Variants in RFC1 observed in about 807,000 individuals in gnomAD.
RFC1 encodes the protein replication factor C subunit 1.
Under a neutral mutation model 137.4 loss-of-function variants are expected in RFC1, and 37 were observed. The observed-to-expected ratio is 0.27, with a 90% CI of 0.21 to 0.35. RFC1 has a LOEUF of 0.35. Among genes scored for constraint, RFC1 ranks in the 10% least tolerant of loss-of-function variants. The pLI is 1.00. For missense variants in RFC1, 1,205 were observed against 1,358.5 expected (o/e 0.89, Z 1.78); for synonymous variants, 429 against 455.7 (o/e 0.94, Z 0.75).
intron 10 of RFC1, among the ~76,000 whole-genome samples, chr4:39,314,483 G>A (rs1015744437): frequency 1.3e-5 from 2 of 151,998 alleles, no homozygotes; most frequent in Non-Finnish European, 2.9e-5. Flanking sequence ...TCTTACTCCA[G>A]GAGCAGCCAG....
intron 1 of RFC1, among the ~76,000 whole-genome samples, chr4:39,353,397 C>CAAA (rs11416030): frequency 0.25 from 15,756 of 63,362 alleles, 2,469 homozygotes; most frequent in South Asian, 0.31. Flanking sequence ...GAGACTGTCT[C>CAAA]AAAAAAAAAA....
chr4:39,301,847 T>C (rs7699084), intron 19 of RFC1, among the ~76,000 whole-genome samples: 10,587 of 152,246 alleles, frequency 0.07, 1,248 homozygotes, highest in African/African-American at 0.24. Context: ...TGCTTAATCA[T>C]TGCTCTAACT....
chr4:39,340,919 T>A (rs752108174), intron 4 of RFC1, among the ~76,000 whole-genome samples: 1 of 152,192 alleles, frequency 6.6e-6, no homozygotes, highest in African/African-American at 2.4e-5. Context: ...CTTTCACATG[T>A]ATATGCTACC....
chr4:39,365,062 G>T (rs193203565), intron 1 of RFC1, among the ~76,000 whole-genome samples: 3 of 139,776 alleles, frequency 2.1e-5, no homozygotes, highest in South Asian at 2.4e-4. Flanking sequence ...TCTAATTCTA[G>T]TTCAACCACC....
chr4:39,314,040 A>T (rs1215490123), intron 10 of RFC1, among the ~76,000 whole-genome samples: 1 of 152,260 alleles, frequency 6.6e-6, no homozygotes, highest in Admixed American at 6.5e-5. Flanking sequence ...TACTCTTTTA[A>T]TAGAGAATTG....
At chr4:39,351,276 A>ATTAT in intron 2 of RFC1, 72 bp downstream of exon 2, 1 of 545,520 alleles carries the variant, frequency 1.8e-6, no homozygotes, top group Non-Finnish European at 2.6e-6. Context: ...AAAAAAAAAA[A>ATTAT]AAAAAAAAAC....
At chr4:39,366,206 C>T (rs1434945609) in intron 1 of RFC1, 33 bp downstream of exon 1, 4 of 1,552,270 alleles carry the variant, frequency 2.6e-6, no homozygotes, top group Admixed American at 1.9e-5. Context: ...CCCCCCCAGA[C>T]CCCGAGCCGC....
Position 39,295,701 on chromosome 4 carries a change from G to A in RFC1, c.2867C>T (p.Pro956Leu), listed in dbSNP as rs915040518. ...ELMRGYMTQFPTFPSWLGKHS... is the reference protein window; with the variant it reads ...ELMRGYMTQFLTFPSWLGKHS... ...CTTCCCCAGCCAGCTTGGGAAGGTG[G>A]GAAACTGGGTCATGTACCCCCTCAT... Residue 956 changes from proline (P) to leucine (L), a missense_variant, in exon 22 of 25, where the codon CCC becomes CTC. By Grantham distance (98) the Pro-to-Leu change is moderately conservative (BLOSUM62 -3). Around this residue, in one of 3 missense-constraint regions of RFC1, gnomAD observed 237 missense variants for 304.2 expected, o/e 0.78. Transcript: ENST00000349703. 1 of 1,613,622 alleles carries A rather than the reference G, an allele frequency of 6.2e-7. No individual in the cohort carries two copies. The highest frequency in any genetic ancestry group is 8.5e-7 in the Non-Finnish European group (1 of 1,179,800).
At chr4:39,321,223 G>T in intron 8 of RFC1, 64 bp downstream of exon 8, 1 of 1,231,752 alleles carries the variant, frequency 8.1e-7, no homozygotes, top group Non-Finnish European at 1.2e-6. Flanking sequence ...ACTTAAACAA[G>T]ATTATCATGA....
In RFC1 at chr4:39,291,641, T is replaced by C. The variant is rs1306234277; in HGVS notation, c.3166A>G (p.Lys1056Glu). ...KPSPFSKLDP[K>E]VKAAFTRAYN... is the part of the protein sequence containing the mutation. Reference sequence around the variant, plus strand: ...AACCAGTGAGTGACATGATTTACCTTGGGATCCAGCTTTGAAAAGGGACTA... The same window carrying C: ...AACCAGTGAGTGACATGATTTACCTCGGGATCCAGCTTTGAAAAGGGACTA... The change falls in exon 23 of 25, where the codon AAG becomes GAG. Residue 1056 changes from lysine (K) to glutamate (E), a missense_variant and splice_region_variant. Physicochemically the swap from Lys to Glu is moderately conservative, Grantham distance 56. Around this residue, in one of 3 missense-constraint regions of RFC1, gnomAD observed 237 missense variants for 304.2 expected, o/e 0.78. Coordinates refer to ENST00000349703, the MANE Select transcript of RFC1 (RefSeq NM_002913.5). 3 of 1,608,704 alleles carry C rather than the reference T, an allele frequency of 1.9e-6. No individual in the cohort carries two copies. The African/African-American group carries it at 4.0e-5, about 21-fold the overall frequency.
At chr4:39,311,623 ATTCTAGGGCCTATTAGTAGGTG>A in intron 11 of RFC1, 74 bp from the exon 12 acceptor site, 2 of 1,111,750 alleles carry the variant, frequency 1.8e-6, no homozygotes, top group Non-Finnish European at 2.6e-6. Flanking sequence ...AAAAAAAAAA[ATTCTAGGGCCTATTAGTAGGTG>A]AAAAACCACA....
chr4:39,361,115 A>G (rs2109782052), intron 1 of RFC1, among the ~76,000 whole-genome samples: 2 of 152,326 alleles, frequency 1.3e-5, no homozygotes, highest in Non-Finnish European at 2.9e-5. Context: ...TAAGCCAGGC[A>G]CGATGGCTCA....
intron 7 of RFC1, 135 bp downstream of exon 7, chr4:39,323,205 A>C: frequency 1.8e-6 from 1 of 555,698 alleles, no homozygotes; most frequent in Non-Finnish European, 2.8e-6. Context: ...GAGCTTCCCC[A>C]AAAACATTTT....
At chr4:39,329,721 TAA>T (rs1467056198) in intron 4 of RFC1, among the ~76,000 whole-genome samples, 2 of 151,878 alleles carry the variant, frequency 1.3e-5, no homozygotes, top group South Asian at 2.1e-4. Context: ...AACCTGTCTC[TAA>T]AAAAAACTTT....
At chr4:39,350,890 A>C (rs1299112569) in intron 2 of RFC1, among the ~76,000 whole-genome samples, 1 of 152,238 alleles carries the variant, frequency 6.6e-6, no homozygotes, top group Non-Finnish European at 1.5e-5. Context: ...TATTTAAAGT[A>C]AAATTACATT....
At chr4:39,343,928 C>T (rs1326500421) in intron 3 of RFC1, among the ~76,000 whole-genome samples, 1 of 151,986 alleles carries the variant, frequency 6.6e-6, no homozygotes, top group Non-Finnish European at 1.5e-5. Flanking sequence ...GCCTGGCCAA[C>T]ATGGTGAAAC....
Position 39,361,252 on chromosome 4 carries a change from G to A in RFC1, c.3+4987C>T, listed in dbSNP as rs143312384. Among the ~76,000 whole-genome samples, 21 of 152,258 alleles carry A rather than the reference G, an allele frequency of 1.4e-4. No individual in the cohort carries two copies. In the East Asian group the frequency reaches 4.1e-3, roughly 29 times the overall value. ...AAAAACAGAAAAATTAGTCAGGTGT[G>A]GTGGCACATGCCTGTAATCCCAGCT... On this transcript the variant is annotated intron_variant, in intron 1 of 24. Coordinates refer to ENST00000349703, the MANE Select transcript of RFC1 (RefSeq NM_002913.5).
chr4:39,318,693 G>A (rs1190476076), intron 9 of RFC1, among the ~76,000 whole-genome samples: 1 of 152,178 alleles, frequency 6.6e-6, no homozygotes, highest in African/African-American at 2.4e-5. Flanking sequence ...TAGTGTGCCT[G>A]AAGAAAACCA....
chr4:39,322,535 G>C (rs1274881573), intron 7 of RFC1: 3 of 152,164 alleles, frequency 2.0e-5, no homozygotes, highest in Non-Finnish European at 2.9e-5. Flanking sequence ...GATTAATACT[G>C]AAGTTATTAA....
Sources: gnomAD v4.1 joint callset for allele counts (sites outside exome capture counted in the v4.1 genomes callset) on GRCh38, gnomAD v4.1.1 for gene constraint, gnomAD v4.1.1 regional missense constraint, MANE v1.5 for transcripts, NCBI Gene and HGNC (gene_info 2026-07-23, HGNC 2026-07-21) for gene names.